FMN1: variants seen among roughly 807,000 people sequenced by gnomAD.
FMN1 encodes the protein formin 1, also known as formin-1.
In FMN1, 110 loss-of-function variants were observed where a neutral mutation model predicts 132.4. The observed-to-expected ratio is 0.83, with a 90% CI of 0.71 to 0.97. FMN1 has a LOEUF of 0.97. Ranked by LOEUF, FMN1 falls within the 50% of genes least tolerant of loss-of-function variation. The probability of loss-of-function intolerance (pLI) is 0.00; values close to 1 mark genes in which losing one functional copy is unlikely to be tolerated. For synonymous variants in FMN1, 722 were observed against 651.7 expected (o/e 1.11, Z -1.64); for missense variants, 1,792 against 1,705.3 (o/e 1.05, Z -0.90).
intron 4 of FMN1, chr15:33,151,279 C>G: frequency 6.5e-7 from 1 of 1,536,254 alleles, no homozygotes; most frequent in South Asian, 1.2e-5. Flanking sequence ...TACTCTCCTT[C>G]CCTTTTCCAG....
chr15:32,786,165 ATCTC>A (rs1375176504), intron 19 of FMN1, among the ~76,000 whole-genome samples: 3 of 152,202 alleles, frequency 2.0e-5, no homozygotes, highest in Non-Finnish European at 4.4e-5. Context: ...GGAGTTCAGA[ATCTC>A]TCTAATAAAT....
At chr15:32,819,378 A>G (rs933330376) in intron 17 of FMN1, among the ~76,000 whole-genome samples, 5 of 152,198 alleles carry the variant, frequency 3.3e-5, no homozygotes, top group African/African-American at 4.8e-5. Flanking sequence ...ATGGATTTAT[A>G]TGGGTCGTTC....
At chr15:33,123,451 ACTAT>A (rs1424534115) in intron 4 of FMN1, among the ~76,000 whole-genome samples, 1 of 152,090 alleles carries the variant, frequency 6.6e-6, no homozygotes, top group African/African-American at 2.4e-5. Flanking sequence ...GCTAAGACTC[ACTAT>A]CTGTGGCAAT....
At chr15:33,193,725 A>G (rs1050618033) in intron 2 of FMN1, among the ~76,000 whole-genome samples, 184 bp downstream of exon 2, 1 of 152,202 alleles carries the variant, frequency 6.6e-6, no homozygotes, top group Non-Finnish European at 1.5e-5. Flanking sequence ...GATGATTAAA[A>G]TAAAGGGTTT....
At chr15:32,873,178 C>T (rs1351779924) in intron 16 of FMN1, among the ~76,000 whole-genome samples, 4 of 152,174 alleles carry the variant, frequency 2.6e-5, no homozygotes, top group Non-Finnish European at 4.4e-5. Context: ...GTTAAGCAAT[C>T]GTCTTTTAAA....
chr15:33,151,183 C>T, intron 4 of FMN1: 1 of 1,509,066 alleles, frequency 6.6e-7, no homozygotes, highest in Non-Finnish European at 8.8e-7. Flanking sequence ...CAAAGTAGGG[C>T]CAATAGGAGG....
intron 3 of FMN1, among the ~76,000 whole-genome samples, chr15:33,164,188 ATT>A (rs1965008161): frequency 6.6e-6 from 1 of 152,164 alleles, no homozygotes. Flanking sequence ...TTTCTCAATG[ATT>A]TTTGTTTTCT....
chr15:33,015,629 A>G (rs574466497), intron 6 of FMN1, among the ~76,000 whole-genome samples: 9 of 152,078 alleles, frequency 5.9e-5, no homozygotes, highest in African/African-American at 1.2e-4. Flanking sequence ...GCGGATCCTG[A>G]TATGTCCGGC....
rs772857974 is a variant in FMN1 at position 32,908,561 on chromosome 15, C to T, written c.3306G>A (p.Glu1102=). ...ALYENRAQED[E]LVKIRKYYET... is the part of the protein sequence containing the mutation. ...CGTAATACTTTCTTATTTTAACCAGCTCATCCTCTTGGGCTCTCTGTATCA... is the reference window on the plus strand; with the variant it reads ...CGTAATACTTTCTTATTTTAACCAGTTCATCCTCTTGGGCTCTCTGTATCA... Residue 1102 remains glutamate, a synonymous_variant, in exon 12 of 21, where the codon GAG becomes GAA. Transcript: ENST00000616417. The T allele has an allele frequency of 4.4e-6, 7 of 1,591,576 alleles. No homozygotes were observed. The East Asian group carries it at 1.3e-4, about 31-fold the overall frequency.
At chr15:32,980,945 C>T (rs1034908942) in intron 7 of FMN1, among the ~76,000 whole-genome samples, 1 of 152,104 alleles carries the variant, frequency 6.6e-6, no homozygotes, top group Admixed American at 6.5e-5. Flanking sequence ...ACCCGGGAAG[C>T]GGAGGTTGCA....
intron 19 of FMN1, among the ~76,000 whole-genome samples, chr15:32,796,010 A>T (rs1017750626): frequency 6.6e-6 from 1 of 152,124 alleles, no homozygotes; most frequent in Admixed American, 6.5e-5. Flanking sequence ...ATTATTGTTC[A>T]CTCACAAGGC....
chr15:32,854,746 C>T (rs1018734891), intron 17 of FMN1, among the ~76,000 whole-genome samples: 6 of 151,980 alleles, frequency 3.9e-5, no homozygotes, highest in Admixed American at 3.3e-4. Context: ...AACCCCATGT[C>T]TACTAAAAAT....
chr15:33,023,868 A>AAT (rs1313006219), intron 6 of FMN1, among the ~76,000 whole-genome samples: 2 of 152,188 alleles, frequency 1.3e-5, no homozygotes, highest in African/African-American at 4.8e-5. Flanking sequence ...ATTTAAGAAA[A>AAT]ATATTCATAC....
rs1317738728 is a variant in FMN1 at position 32,770,851 on chromosome 15, G to A, written c.*3459C>T. On this transcript the variant is annotated 3_prime_UTR_variant, in exon 21 of 21. Transcript: ENST00000616417. ...TTCAGAAAATCTTTATAATTCCTGAGTAGTTGCAGTGAGTGTGTAGAAAGA... is the reference window on the plus strand; with the variant it reads ...TTCAGAAAATCTTTATAATTCCTGAATAGTTGCAGTGAGTGTGTAGAAAGA... The A allele has an allele frequency of 1.3e-5, 2 of 151,960 alleles. No individual in the cohort carries two copies. The highest frequency in any genetic ancestry group is 2.9e-5 in the Non-Finnish European group (2 of 68,028). The allele number at this position is 151,960 out of a possible 1,614,324, so 9.4% of individuals were successfully genotyped here.
chr15:32,964,016 T>TATACACACACAC lies in FMN1; in HGVS notation c.3138+90_3138+91insGTGTGTGTGTAT, dbSNP rs1555505892. 506 of 508,274 alleles carry TATACACACACAC rather than the reference T, an allele frequency of 1.0e-3. 1 individual carries two copies. The highest frequency in any genetic ancestry group is 7.7e-3 in the African/African-American group (370 of 48,298). The allele number at this position is 508,274 out of a possible 1,614,324, so 31.5% of individuals were successfully genotyped here. ...GGTATGTGTGTGTGTGTATATACGA[T>TATACACACACAC]ACACACACACACACACACACACACA... On this transcript the variant is annotated intron_variant, in intron 9 of 20. Coordinates refer to ENST00000616417, the MANE Select transcript of FMN1 (RefSeq NM_001277313.2).
chr15:33,157,940 C>T (rs563954670), intron 3 of FMN1, among the ~76,000 whole-genome samples: 19 of 150,904 alleles, frequency 1.3e-4, no homozygotes, highest in South Asian at 6.3e-4. Flanking sequence ...ACTGAGATTG[C>T]GCCACTGCAC....
chr15:32,871,619 C>T lies in FMN1; in HGVS notation c.3836-14512G>A, dbSNP rs1252757801. Among the ~76,000 whole-genome samples, 3 of 151,152 alleles carry T rather than the reference C, an allele frequency of 2.0e-5. No homozygotes were observed. The East Asian group carries it at 5.8e-4, about 29-fold the overall frequency. On this transcript the variant is annotated intron_variant, in intron 16 of 20. Transcript: ENST00000616417. ...TGAGGGTCATTTCTTTAGGAAATGA[C>T]CTAAAGATACAAGATACAAAGATAA... is the stretch of plus-strand genomic sequence containing the variant.
At chr15:33,046,719 A>G (rs915220291) in intron 6 of FMN1, among the ~76,000 whole-genome samples, 56 of 151,630 alleles carry the variant, frequency 3.7e-4, no homozygotes, top group African/African-American at 1.1e-3. Flanking sequence ...GGCAAAAACG[A>G]TAAGAATTTC....
At chr15:33,071,632 T>C (rs1489856161) in intron 5 of FMN1, among the ~76,000 whole-genome samples, 2 of 152,194 alleles carry the variant, frequency 1.3e-5, no homozygotes, top group African/African-American at 4.8e-5. Flanking sequence ...TGAAACAATT[T>C]TGAATGAAAG....
Sources: gnomAD v4.1 joint callset for allele counts (sites outside exome capture counted in the v4.1 genomes callset) on GRCh38, gnomAD v4.1.1 for gene constraint, MANE v1.5 for transcripts, NCBI Gene and HGNC (gene_info 2026-07-23, HGNC 2026-07-21) for gene names.